Variants in PDGFD observed in about 807,000 individuals in gnomAD.
PDGFD encodes platelet-derived growth factor D.
A neutral mutation model predicts 44.7 loss-of-function variants in PDGFD; 30 were observed. That is an observed-to-expected ratio of 0.67 (90% CI 0.50 to 0.91). The LOEUF (loss-of-function observed/expected upper bound fraction) is 0.91, where lower values mean the gene tolerates loss of function less well. Among genes scored for constraint, PDGFD ranks in the 40% least tolerant of loss-of-function variants. The probability of loss-of-function intolerance (pLI) is 0.00; values close to 1 mark genes in which losing one functional copy is unlikely to be tolerated. For synonymous variants in PDGFD, 173 were observed against 168.4 expected (o/e 1.03, Z -0.21); for missense variants, 445 against 457.8 (o/e 0.97, Z 0.25).
At chr11:104,082,154 A>G (rs1486364913) in intron 1 of PDGFD, among the ~76,000 whole-genome samples, 2 of 148,984 alleles carry the variant, frequency 1.3e-5, no homozygotes, top group African/African-American at 5.0e-5. Flanking sequence ...ATATATGAAA[A>G]ACAAAGTCCA....
chr11:103,938,529 C>T (rs1444593462), intron 5 of PDGFD, among the ~76,000 whole-genome samples: 6 of 152,228 alleles, frequency 3.9e-5, no homozygotes, highest in Admixed American at 3.9e-4. Context: ...ATGGTAGTTT[C>T]TTTTGCTGTG....
At chr11:103,954,847 C>T (rs1373190748) in intron 3 of PDGFD, among the ~76,000 whole-genome samples, 2 of 152,040 alleles carry the variant, frequency 1.3e-5, no homozygotes, top group African/African-American at 2.4e-5. Flanking sequence ...AAAAGAAAGA[C>T]AAAGGGGTTT....
intron 1 of PDGFD, among the ~76,000 whole-genome samples, chr11:104,117,379 C>G (rs1861657925): frequency 6.6e-6 from 1 of 151,894 alleles, no homozygotes; most frequent in East Asian, 1.9e-4. Flanking sequence ...AAGTCCTAGC[C>G]ACAGCAATCA....
chr11:104,031,203 C>A (rs568204070), intron 1 of PDGFD, among the ~76,000 whole-genome samples: 5 of 152,122 alleles, frequency 3.3e-5, no homozygotes, highest in Admixed American at 1.3e-4. Context: ...AGTGAATAGA[C>A]AACCTATAGA....
intron 3 of PDGFD, among the ~76,000 whole-genome samples, chr11:103,988,800 T>C (rs995991719): frequency 3.3e-4 from 50 of 152,336 alleles, no homozygotes; most frequent in African/African-American, 1.2e-3. Flanking sequence ...TTGAATCACT[T>C]GTAAAATAAC....
intron 1 of PDGFD, among the ~76,000 whole-genome samples, chr11:104,007,091 G>A (rs1591118238): frequency 1.3e-5 from 2 of 152,322 alleles, no homozygotes; most frequent in East Asian, 1.9e-4. Context: ...TCCCCCTCCT[G>A]TAAGGGGTTT....
chr11:104,128,692 A>G (rs928971984), intron 1 of PDGFD, among the ~76,000 whole-genome samples: 2 of 152,156 alleles, frequency 1.3e-5, no homozygotes, highest in Non-Finnish European at 2.9e-5. Flanking sequence ...TACTTGGGAA[A>G]TTTATTTTAC....
intron 5 of PDGFD, among the ~76,000 whole-genome samples, chr11:103,928,019 A>G (rs764533885): frequency 8.5e-5 from 13 of 152,124 alleles, no homozygotes; most frequent in Non-Finnish European, 1.8e-4. Flanking sequence ...CTCCCTCTTT[A>G]TGTTTTCTTC....
Position 104,010,719 on chromosome 11 carries a change from TTTCTTC to T in PDGFD, c.125-10470_125-10465del, listed in dbSNP as rs1859772225. Reference sequence around the variant, plus strand: ...TTAATTAATTCTCTGATAATTCTCTTTTCTTCTATGGTAGTCTGTTTGTGTTGCGAT... The same window carrying T: ...TTAATTAATTCTCTGATAATTCTCTTTATGGTAGTCTGTTTGTGTTGCGAT... On this transcript the variant is annotated intron_variant, in intron 1 of 6. Coordinates refer to ENST00000393158, the MANE Select transcript of PDGFD (RefSeq NM_025208.5). Among the ~76,000 whole-genome samples the T allele has an allele frequency of 2.0e-5, 3 of 152,108 alleles. No individual in the cohort carries two copies. In the South Asian group the frequency reaches 6.2e-4, roughly 31 times the overall value.
At chr11:104,002,975 G>T (rs796862028) in intron 1 of PDGFD, among the ~76,000 whole-genome samples, 1 of 152,144 alleles carries the variant, frequency 6.6e-6, no homozygotes, top group African/African-American at 2.4e-5. Flanking sequence ...AGTGAATTGA[G>T]CATCACATTT....
At chr11:104,083,488 T>C (rs535194357) in intron 1 of PDGFD, among the ~76,000 whole-genome samples, 2 of 152,226 alleles carry the variant, frequency 1.3e-5, no homozygotes, top group Non-Finnish European at 2.9e-5. Context: ...GATTACTCTA[T>C]AGCTAGTGCT....
intron 1 of PDGFD, among the ~76,000 whole-genome samples, chr11:104,099,781 A>T (rs1179115804): frequency 6.6e-6 from 1 of 151,908 alleles, no homozygotes; most frequent in Non-Finnish European, 1.5e-5. Context: ...TTAAATCTTT[A>T]TAATTATTAA....
chr11:103,978,129 T>C (rs376855764), intron 3 of PDGFD, among the ~76,000 whole-genome samples: 1 of 152,090 alleles, frequency 6.6e-6, no homozygotes, highest in Non-Finnish European at 1.5e-5. Context: ...GTGTCGTTGT[T>C]GGTTTCTTTT....
intron 1 of PDGFD, among the ~76,000 whole-genome samples, chr11:104,023,603 C>T (rs1471094884): frequency 6.6e-6 from 1 of 152,118 alleles, no homozygotes; most frequent in Non-Finnish European, 1.5e-5. Flanking sequence ...TCCAGTGTTA[C>T]TATCATGTAA....
At chr11:103,932,360 T>C (rs1377834270) in intron 5 of PDGFD, among the ~76,000 whole-genome samples, 1 of 152,332 alleles carries the variant, frequency 6.6e-6, no homozygotes, top group Admixed American at 6.5e-5. Flanking sequence ...TATAGGCTGA[T>C]ATATGCGTTC....
chr11:103,920,970 G>T (rs1414389976), intron 6 of PDGFD, among the ~76,000 whole-genome samples: 3 of 152,162 alleles, frequency 2.0e-5, no homozygotes, highest in African/African-American at 7.2e-5. Context: ...TTTCAGGTTT[G>T]CCTGGGAACT....
intron 1 of PDGFD, among the ~76,000 whole-genome samples, chr11:104,068,839 T>C (rs1860831645): frequency 6.6e-6 from 1 of 152,178 alleles, no homozygotes; most frequent in East Asian, 1.9e-4. Context: ...TCTGTGTGTG[T>C]GTCTGCGTGT....
At chr11:104,037,795 CCCA>C in intron 1 of PDGFD, 1 of 1,614,132 alleles carries the variant, frequency 6.2e-7, no homozygotes. Flanking sequence ...TGAGGATCAA[CCCA>C]TGGATATGCT....
At chr11:104,018,951 T>C (rs923828352) in intron 1 of PDGFD, among the ~76,000 whole-genome samples, 7 of 152,200 alleles carry the variant, frequency 4.6e-5, no homozygotes, top group African/African-American at 9.7e-5. Context: ...TGGCCTGGCA[T>C]GTCCTCCTCG....
Sources: gnomAD v4.1 joint callset for allele counts (sites outside exome capture counted in the v4.1 genomes callset) on GRCh38, gnomAD v4.1.1 for gene constraint, MANE v1.5 for transcripts, NCBI Gene and HGNC (gene_info 2026-07-23, HGNC 2026-07-21) for gene names.